PICK1: variants seen among roughly 807,000 people sequenced by gnomAD.
The protein encoded by PICK1 is protein interacting with PRKCA 1, also known as PRKCA-binding protein.
A neutral mutation model predicts 48.9 loss-of-function variants in PICK1; 23 were observed. The ratio of observed to expected loss-of-function variants is 0.47; its 90% CI spans 0.34 to 0.67. The LOEUF (loss-of-function observed/expected upper bound fraction) is 0.67, where lower values mean the gene tolerates loss of function less well. PICK1 is among the 30% of genes least tolerant of loss of function. The pLI, the probability that PICK1 is intolerant of heterozygous loss-of-function variation, is 0.01. For synonymous variants in PICK1, 217 were observed against 228.2 expected, an observed-to-expected ratio of 0.95 and a Z score of 0.44; for missense variants, 423 against 557.1, an observed-to-expected ratio of 0.76 and a Z score of 2.42.
chr22:38,064,812 C>G (rs114217375), intron 3 of PICK1, among the ~76,000 whole-genome samples, 190 bp from the exon 4 acceptor site: 3,336 of 152,220 alleles, frequency 0.022, 131 homozygotes, highest in African/African-American at 0.076. Flanking sequence ...ATTGCTGGAG[C>G]CCAGGAGTTC....
At position 38,074,659 on chromosome 22, in the gene PICK1, C is replaced by T. The variant is rs1307036908; in HGVS notation, c.980-205C>T. Among the ~76,000 whole-genome samples, 1 of 152,242 alleles carries T rather than the reference C, an allele frequency of 6.6e-6. No individual in the cohort carries two copies. The highest frequency in any genetic ancestry group is 1.5e-5 in the Non-Finnish European group (1 of 68,042). On this transcript the variant is annotated intron_variant, in intron 12 of 12. Coordinates refer to ENST00000356976, the MANE Select transcript of PICK1 (RefSeq NM_012407.4). This position sits in a 1 kb window ranked among gnomAD's most constrained non-coding sequence, Gnocchi z 4.5. ...CCATGATCCATTTACCCTGCAGCCTCCTGCGTTCCCTGAACTGGGAGCGGG... is the reference window on the plus strand; with the variant it reads ...CCATGATCCATTTACCCTGCAGCCTTCTGCGTTCCCTGAACTGGGAGCGGG...
rs1601953846 is a variant in PICK1 at position 38,070,774 on chromosome 22, T to C, written c.440-64T>C. On this transcript the variant is annotated intron_variant, in intron 6 of 12. Transcript: ENST00000356976. ...GGGGTTGCCTCTCCCCTCCCCAGCA[T>C]GGCCCTGGGCCTCCTGTGGCTTGCT... is the stretch of plus-strand genomic sequence containing the variant. The C allele has an allele frequency of 2.8e-6, 4 of 1,442,848 alleles. No homozygotes were observed. In the East Asian group the frequency reaches 9.1e-5, roughly 33 times the overall value. The allele number at this position is 1,442,848 out of a possible 1,614,324, so 89.4% of individuals were successfully genotyped here. A position where few individuals can be genotyped will look rare whatever the true frequency, so the allele number is the denominator to read the frequency against.
rs758763489 is a variant in PICK1, at chr22:38,066,369, G to A, written c.282+1239G>A. ...CCGCATCTCCTCCCCATCTCCACTC[G>A]CCAGGTCCCTCCCTGTCCTCTCAGG... On this transcript the variant is annotated intron_variant, in intron 4 of 12. Coordinates refer to ENST00000356976, the MANE Select transcript of PICK1 (RefSeq NM_012407.4). This position sits in a 1 kb window ranked among gnomAD's most constrained non-coding sequence, Gnocchi z 4.1. Among the ~76,000 whole-genome samples, 7 of 152,074 alleles carry A rather than the reference G, an allele frequency of 4.6e-5. No homozygotes were observed. Among genetic ancestry groups the A allele is most frequent in the South Asian group, 2.1e-4 (1 of 4,816 alleles).
rs762114213 is a variant in PICK1 at position 38,075,166 on chromosome 22, C to T, written c.*34C>T. On this transcript the variant is annotated 3_prime_UTR_variant, in exon 13 of 13. Transcript: ENST00000356976. Reference sequence around the variant, plus strand: ...CGGCTGTGGTGCCGGGGGCAGGGTGCGTGGGAGGACGGAGCCTGGGAGCGG... The same window carrying T: ...CGGCTGTGGTGCCGGGGGCAGGGTGTGTGGGAGGACGGAGCCTGGGAGCGG... 1.8e-5 allele frequency: 28 copies of T among 1,587,618 alleles called. No homozygotes were observed. The Admixed American group carries it at 2.2e-4, about 13-fold the overall frequency.
chr22:38,059,799 A>T (rs1178030955), intron 3 of PICK1, among the ~76,000 whole-genome samples: 1 of 152,244 alleles, frequency 6.6e-6, no homozygotes, highest in African/African-American at 2.4e-5. Flanking sequence ...CTAGCAAGTT[A>T]CTTAACCTCT....
chr22:38,061,624 AT>A (rs1416688292), intron 3 of PICK1, among the ~76,000 whole-genome samples: 1 of 151,978 alleles, frequency 6.6e-6, no homozygotes, highest in South Asian at 2.1e-4. Flanking sequence ...GACTCAGATG[AT>A]TCTCCCACTT....
chr22:38,058,269 T>C (rs976052758), intron 2 of PICK1: 1 of 256,464 alleles, frequency 3.9e-6, no homozygotes, highest in South Asian at 5.1e-5. Context: ...GATCAAGGAG[T>C]GGGTGCAATG....
chr22:38,058,086 A>G lies in PICK1; in HGVS notation c.41+236A>G, dbSNP rs531684799. On this transcript the variant is annotated intron_variant, in intron 2 of 12. Coordinates refer to ENST00000356976, the MANE Select transcript of PICK1 (RefSeq NM_012407.4). Reference sequence around the variant, plus strand: ...CTATTAGCATGACTTGGTGACAAGAAGAGCAAAGCAGATGGAGCAGTGCTT... The same window carrying G: ...CTATTAGCATGACTTGGTGACAAGAGGAGCAAAGCAGATGGAGCAGTGCTT... 62 of 581,694 alleles carry G rather than the reference A, an allele frequency of 1.1e-4. No individual in the cohort carries two copies. The African/African-American group carries it at 1.1e-3, about 10-fold the overall frequency. 36.0% of individuals were successfully genotyped at this position (581,694 alleles called of 1,614,324 possible). A position where few individuals can be genotyped will look rare whatever the true frequency, so the allele number is the denominator to read the frequency against.
At chr22:38,068,998 C>G (rs1404807729) in intron 5 of PICK1, 35 bp from the exon 6 acceptor site, 1 of 1,566,248 alleles carries the variant, frequency 6.4e-7, no homozygotes. Flanking sequence ...CTCTGGGCAG[C>G]CACAGACTCA....
Position 38,057,850 on chromosome 22 carries a change from T to G in PICK1, c.41T>G (p.Leu14Arg), listed in dbSNP as rs746762898. 6.8e-6 allele frequency: 11 copies of G among 1,612,900 alleles called. No individual in the cohort carries two copies. Among genetic ancestry groups the G allele is most frequent in the African/African-American group, 1.3e-5 (1 of 74,928 alleles). The change falls in exon 2 of 13, where the codon CTC becomes CGC. Residue 14 changes from leucine to arginine, a missense_variant and splice_region_variant. Leu to Arg is a moderately radical substitution (Grantham distance 102). Transcript: ENST00000356976. ...GATTATGACATCGAAGAGGATAAAC[T>G]GTGAGTATTTTATTCCCCCAAGTTC... ...DLDYDIEEDK[L>R]GIPTVPGKVT... is the part of the protein sequence containing the mutation.
Position 38,073,974 on chromosome 22 carries a change from C to G in PICK1, c.834+151C>G, listed in dbSNP as rs991268216. On this transcript the variant is annotated intron_variant, in intron 11 of 12. Coordinates refer to ENST00000356976, the MANE Select transcript of PICK1 (RefSeq NM_012407.4). The surrounding 1 kb of genome is among the most constrained non-coding windows in gnomAD (Gnocchi z 5.7). ...AGGGCCATCTTCCCAGTCCCGCTCG[C>G]TGGGCCTCGGGGTGCTGGGCACCCG... 2.5e-6 allele frequency: 2 copies of G among 803,860 alleles called. No individual in the cohort carries two copies. Among genetic ancestry groups the G allele is most frequent in the African/African-American group, 3.4e-5 (2 of 59,108 alleles). 49.8% of individuals were successfully genotyped at this position (803,860 alleles called of 1,614,324 possible).
At chr22:38,062,500 G>A (rs371235175) in intron 3 of PICK1, among the ~76,000 whole-genome samples, 1 of 151,760 alleles carries the variant, frequency 6.6e-6, no homozygotes, top group Non-Finnish European at 1.5e-5. Context: ...CACCTGCCTC[G>A]ACCTCCCAAA....
Position 38,075,149 on chromosome 22 carries a change from G to A in PICK1, c.*17G>A. 4.4e-6 allele frequency: 7 copies of A among 1,603,512 alleles called. No homozygotes were observed. Among genetic ancestry groups the A allele is most frequent in the Non-Finnish European group, 5.1e-6 (6 of 1,174,800 alleles). Reference sequence around the variant, plus strand: ...GACTCCTGAGTGCCCCGCGGCTGTGGTGCCGGGGGCAGGGTGCGTGGGAGG... The same window carrying A: ...GACTCCTGAGTGCCCCGCGGCTGTGATGCCGGGGGCAGGGTGCGTGGGAGG... On this transcript the variant is annotated 3_prime_UTR_variant, in exon 13 of 13. Coordinates refer to ENST00000356976, the MANE Select transcript of PICK1 (RefSeq NM_012407.4).
intron 8 of PICK1, 127 bp downstream of exon 8, chr22:38,071,871 G>A (rs1164965762): frequency 1.3e-5 from 11 of 829,614 alleles, no homozygotes; most frequent in East Asian, 2.5e-5. Context: ...CCTGGTCCCA[G>A]GTGCTGGGAT....
intron 9 of PICK1, 107 bp from the exon 10 acceptor site, chr22:38,072,893 G>A (rs2085736827): frequency 1.1e-6 from 1 of 870,610 alleles, no homozygotes; most frequent in South Asian, 1.3e-5. Context: ...GCACCATCTG[G>A]CTCTGATAGT....
At chr22:38,070,412 G>C (rs2085649118) in intron 6 of PICK1, among the ~76,000 whole-genome samples, 2 of 152,356 alleles carry the variant, frequency 1.3e-5, no homozygotes, top group South Asian at 4.1e-4. Flanking sequence ...CCTCTTCCCA[G>C]TGTGAGCTCT....
chr22:38,064,364 T>A (rs887881242), intron 3 of PICK1, among the ~76,000 whole-genome samples: 19 of 152,210 alleles, frequency 1.2e-4, no homozygotes, highest in Admixed American at 4.6e-4. Flanking sequence ...GGCCTTGAGT[T>A]AATTTTTGTA....
chr22:38,068,385 CAG>C (rs2085584931), intron 5 of PICK1, among the ~76,000 whole-genome samples: 1 of 152,188 alleles, frequency 6.6e-6, no homozygotes, highest in African/African-American at 2.4e-5. Flanking sequence ...GCCTGAGACC[CAG>C]AGAGGGCGCT....
In PICK1 at chr22:38,063,501, C is replaced by A. The variant is rs2085455706; in HGVS notation, c.154-1501C>A. Among the ~76,000 whole-genome samples the A allele has an allele frequency of 2.0e-5, 3 of 152,072 alleles. No individual in the cohort carries two copies. The South Asian group carries it at 6.2e-4, about 31-fold the overall frequency. Reference sequence around the variant, plus strand: ...AGTTTTAAGAATTCTCTACAAAGCACAATCGGCTAAGAGGAAAAAAAGAAA... The same window carrying A: ...AGTTTTAAGAATTCTCTACAAAGCAAAATCGGCTAAGAGGAAAAAAAGAAA... On this transcript the variant is annotated intron_variant, in intron 3 of 12. Coordinates refer to ENST00000356976, the MANE Select transcript of PICK1 (RefSeq NM_012407.4).
Sources: gnomAD v4.1 joint callset for allele counts (sites outside exome capture counted in the v4.1 genomes callset) on GRCh38, gnomAD v4.1.1 for gene constraint, Gnocchi (gnomAD v3.1) non-coding constraint, MANE v1.5 for transcripts, NCBI Gene and HGNC (gene_info 2026-07-23, HGNC 2026-07-21) for gene names.